Variants in CD163L1 observed in about 807,000 individuals in gnomAD.
The protein encoded by CD163L1 is CD163 molecule like 1.
A neutral mutation model predicts 165.4 loss-of-function variants in CD163L1; 124 were observed. That is an observed-to-expected ratio of 0.75 (90% CI 0.65 to 0.87). The LOEUF (loss-of-function observed/expected upper bound fraction) is 0.87. Among genes scored for constraint, CD163L1 ranks in the 40% least tolerant of loss-of-function variants. CD163L1 has a pLI of 0.00. For missense variants in CD163L1, 1,525 were observed against 1,799.9 expected (o/e 0.85, Z 2.76); for synonymous variants, 585 against 662.2 (o/e 0.88, Z 1.79).
the CD163L1 span, among the ~76,000 whole-genome samples, chr12:7,337,979 G>T: frequency 6.6e-6 from 1 of 152,202 alleles, no homozygotes; most frequent in Admixed American, 6.5e-5. Flanking sequence ...GGAATAGTAT[G>T]CAGCCATAAA....
chr12:7,429,905 C>G (rs1052003183), intron 4 of CD163L1, among the ~76,000 whole-genome samples: 6 of 152,150 alleles, frequency 3.9e-5, no homozygotes, highest in Non-Finnish European at 7.4e-5. Flanking sequence ...AAGTCTAAAA[C>G]TCTTGCCATA....
the CD163L1 span, chr12:7,323,439 A>G: frequency 5.6e-6 from 9 of 1,611,764 alleles, no homozygotes; most frequent in Admixed American, 1.7e-5. Flanking sequence ...TAAGACCATC[A>G]ATTATTTCTT....
chr12:7,339,782 G>A, the CD163L1 span, among the ~76,000 whole-genome samples: 4 of 152,012 alleles, frequency 2.6e-5, no homozygotes, highest in Non-Finnish European at 2.9e-5. Context: ...TTCCTACTAG[G>A]GAGGTTGCCT....
intron 2 of CD163L1, among the ~76,000 whole-genome samples, chr12:7,436,426 T>A (rs906504742): frequency 6.6e-6 from 1 of 152,168 alleles, no homozygotes; most frequent in African/African-American, 2.4e-5. Flanking sequence ...AAATAAAGCA[T>A]TCAATTAAAA....
intron 19 of CD163L1, among the ~76,000 whole-genome samples, chr12:7,355,789 G>GTCAT (rs1946761527): frequency 6.6e-6 from 1 of 152,128 alleles, no homozygotes; most frequent in Admixed American, 6.6e-5. Context: ...CAGACCAAGG[G>GTCAT]ATGACCATCT....
chr12:7,414,030 A>AC (rs778740196), intron 4 of CD163L1, among the ~76,000 whole-genome samples: 1 of 152,158 alleles, frequency 6.6e-6, no homozygotes, highest in Non-Finnish European at 1.5e-5. Flanking sequence ...AAATGGAAAA[A>AC]CAGAAACACC....
chr12:7,396,046 G>A, intron 8 of CD163L1, 49 bp downstream of exon 8: 1 of 1,483,470 alleles, frequency 6.7e-7, no homozygotes. Context: ...AGGTATGTTA[G>A]AGAACCCAGG....
chr12:7,355,516 A>G (rs1485040143), intron 19 of CD163L1, among the ~76,000 whole-genome samples: 1 of 152,156 alleles, frequency 6.6e-6, no homozygotes, highest in Non-Finnish European at 1.5e-5. Flanking sequence ...CTGCTAAGTC[A>G]GAATTGATGA....
Position 7,347,821 on chromosome 12 carries a change from TA to T in CD163L1, c.*25-675del, listed in dbSNP as rs899830701. Among the ~76,000 whole-genome samples, 1 of 151,910 alleles carries T rather than the reference TA, an allele frequency of 6.6e-6. No individual in the cohort carries two copies. The highest frequency in any genetic ancestry group is 1.5e-5 in the Non-Finnish European group (1 of 67,978). ...CTCTTATGCTAAGGATGCCATGGAA[TA>T]AAACAACCAGAAACTTCTCAATTGC... On this transcript the variant is annotated intron_variant, in intron 4 of 4. Transcript: ENST00000539726. The surrounding 1 kb of genome is among the most constrained non-coding windows in gnomAD (Gnocchi z 4.2).
At chr12:7,404,614 G>C (rs1284898950) in intron 5 of CD163L1, among the ~76,000 whole-genome samples, 2 of 152,022 alleles carry the variant, frequency 1.3e-5, no homozygotes, top group African/African-American at 2.4e-5. Flanking sequence ...GAGGAAAGGA[G>C]ATATAATTTC....
chr12:7,334,339 C>T, the CD163L1 span, among the ~76,000 whole-genome samples: 28 of 152,182 alleles, frequency 1.8e-4, no homozygotes, highest in East Asian at 3.7e-3. Context: ...GTTCAACATA[C>T]GAAAATCAAT....
At position 7,374,470 on chromosome 12, in the gene CD163L1, G is replaced by C. The variant is rs140129260; in HGVS notation, c.3381C>G (p.His1127Gln). ...SRGWGQHDCR[H>Q]KEDAGVICSE... ...AGCAGATGACCCCTGCGTCCTCCTT[G>C]TGCCTGCAGTCGTGCTGCCCCCAGC... Residue 1127 changes from histidine (H) to glutamine (Q), a missense_variant, in exon 13 of 20, where the codon CAC becomes CAG. Transcript: ENST00000313599. This position sits in a 1 kb window ranked among gnomAD's most constrained non-coding sequence, Gnocchi z 5.4. 4 of 1,613,748 alleles carry C rather than the reference G, an allele frequency of 2.5e-6. No individual in the cohort carries two copies. In the African/African-American group the frequency reaches 5.3e-5, roughly 22 times the overall value.
chr12:7,323,612 T>G, the CD163L1 span: 1 of 1,497,000 alleles, frequency 6.7e-7, no homozygotes, highest in Non-Finnish European at 9.3e-7. Flanking sequence ...GGGTTCAAAT[T>G]TCATTTCCAC....
chr12:7,422,310 T>C (rs1009307374), intron 4 of CD163L1, among the ~76,000 whole-genome samples: 24 of 152,006 alleles, frequency 1.6e-4, no homozygotes, highest in African/African-American at 5.6e-4. Flanking sequence ...AGATCTAAGG[T>C]AGATAAACCC....
At chr12:7,410,624 C>T (rs961614042) in intron 4 of CD163L1, among the ~76,000 whole-genome samples, 1 of 138,860 alleles carries the variant, frequency 7.2e-6, no homozygotes, top group Non-Finnish European at 1.5e-5. Context: ...AAAAGGAGAG[C>T]GACGAGACCA....
At chr12:7,425,406 T>C (rs1271743052) in intron 4 of CD163L1, among the ~76,000 whole-genome samples, 3 of 152,146 alleles carry the variant, frequency 2.0e-5, no homozygotes, top group African/African-American at 4.8e-5. Context: ...GGCAATACCA[T>C]TCAGGATATA....
chr12:7,367,101 CGTTT>C, intron 18 of CD163L1, 131 bp downstream of exon 18: 1 of 443,070 alleles, frequency 2.3e-6, no homozygotes, highest in East Asian at 3.2e-5. Flanking sequence ...ATCTATTCCC[CGTTT>C]GTTTCCCTTT....
Position 7,379,222 on chromosome 12 carries a change from A to G in CD163L1, c.2127T>C (p.Gly709=). 6.2e-7 allele frequency: 1 copy of G among 1,614,144 alleles called. No individual in the cohort carries two copies. Residue 709 remains glycine (G), a synonymous_variant, in exon 9 of 20, where the codon GGT becomes GGC. Coordinates refer to ENST00000313599, the MANE Select transcript of CD163L1 (RefSeq NM_174941.6). The stretch of plus-strand genomic sequence containing the variant: ...CATTAGCACACAGAATTCCCACGGC[A>G]CCCTGGACATTCACCTCAACTTTTC... ...CAGKVEVNVQ[G]AVGILCANGW...
At chr12:7,415,174 C>T (rs1948212077) in intron 4 of CD163L1, among the ~76,000 whole-genome samples, 1 of 152,058 alleles carries the variant, frequency 6.6e-6, no homozygotes, top group Non-Finnish European at 1.5e-5. Context: ...TATATTCTGA[C>T]ATGAACAACA....
Sources: allele counts gnomAD v4.1 joint callset (sites outside exome capture counted in the v4.1 genomes callset), GRCh38; gene constraint gnomAD v4.1.1; non-coding constraint Gnocchi (gnomAD v3.1); transcripts MANE v1.5; gene names NCBI Gene and HGNC (gene_info 2026-07-23, HGNC 2026-07-21).